SLC1A7: variants seen among roughly 807,000 people sequenced by gnomAD.
SLC1A7 encodes the protein excitatory amino acid transporter 5.
SLC1A7 carries 40 observed loss-of-function variants against 47.7 expected under a neutral mutation model. The observed-to-expected ratio is 0.84, with a 90% CI of 0.65 to 1.09. SLC1A7 has a LOEUF of 1.09. SLC1A7 is among the 50% of genes least tolerant of loss of function. The pLI, the probability that SLC1A7 is intolerant of heterozygous loss-of-function variation, is 0.00. For synonymous variants in SLC1A7, 323 were observed against 325.6 expected (o/e 0.99, Z 0.09); for missense variants, 746 against 769.5 (o/e 0.97, Z 0.36).
chr1:53,115,356 G>A, intron 2 of SLC1A7: 1 of 252,552 alleles, frequency 4.0e-6, no homozygotes, highest in South Asian at 5.6e-5. Context: ...TCACTCTCCT[G>A]ACCCCTGCCC....
At chr1:53,136,015 G>A (rs1278053174) in intron 1 of SLC1A7, among the ~76,000 whole-genome samples, 1 of 151,846 alleles carries the variant, frequency 6.6e-6, no homozygotes, top group Non-Finnish European at 1.5e-5. Flanking sequence ...TGATAGATGA[G>A]GAAGCTGAAC....
At chr1:53,117,303 G>C (rs114165386) in intron 2 of SLC1A7, among the ~76,000 whole-genome samples, 10 of 152,220 alleles carry the variant, frequency 6.6e-5, no homozygotes, top group Non-Finnish European at 1.3e-4. Context: ...GATAGGCTGA[G>C]CTCAGGAGTA....
chr1:53,101,358 G>A (rs775619619), intron 5 of SLC1A7, among the ~76,000 whole-genome samples: 9 of 113,608 alleles, frequency 7.9e-5, no homozygotes, highest in African/African-American at 1.0e-4. Context: ...CGCACACCCC[G>A]CTTTGGTACA....
chr1:53,093,006 C>T (rs1240614025), intron 6 of SLC1A7, among the ~76,000 whole-genome samples: 2 of 152,166 alleles, frequency 1.3e-5, no homozygotes, highest in East Asian at 1.9e-4. Flanking sequence ...CTCCTTCCCC[C>T]GCCCTGCCTT....
Position 53,114,813 on chromosome 1 carries a change from C to T in SLC1A7, c.376G>A (p.Glu126Lys). ...PGSAAQKETT[E>K]QSGKPIMSSA... ...CTCATGATGGGCTTCCCACTCTGCT[C>T]CGTGGTCTCCTTCTGGGCCGCGCTG... is the stretch of plus-strand genomic sequence containing the variant. Residue 126 changes from glutamate to lysine, a missense_variant, in exon 3 of 11, where the codon GAG becomes AAG. Transcript: ENST00000371494. 7.4e-6 allele frequency: 12 copies of T among 1,614,172 alleles called. No homozygotes were observed. The highest frequency in any genetic ancestry group is 1.0e-5 in the Non-Finnish European group (12 of 1,180,030).
At chr1:53,116,831 G>C (rs561151285) in intron 2 of SLC1A7, among the ~76,000 whole-genome samples, 1 of 152,308 alleles carries the variant, frequency 6.6e-6, no homozygotes, top group Admixed American at 6.5e-5. Context: ...CTTCATTCAC[G>C]TGCATTCAAA....
intron 1 of SLC1A7, among the ~76,000 whole-genome samples, chr1:53,136,547 A>AAAACATATAT (rs777467682): frequency 1.2e-5 from 1 of 84,018 alleles, no homozygotes; most frequent in East Asian, 3.3e-4. Flanking sequence ...CATATATATA[A>AAAACATATAT]TATATATAAA....
chr1:53,138,175 A>G (rs1645019750), intron 1 of SLC1A7, among the ~76,000 whole-genome samples: 1 of 152,214 alleles, frequency 6.6e-6, no homozygotes, highest in South Asian at 2.1e-4. Flanking sequence ...GTTCAAAGCC[A>G]TTCTGATTTC....
intron 3 of SLC1A7, among the ~76,000 whole-genome samples, chr1:53,113,510 G>A (rs3766781): frequency 0.29 from 43,318 of 151,730 alleles, 6,299 homozygotes; most frequent in South Asian, 0.36. Flanking sequence ...TTCATGCTGG[G>A]TGATCAGCAC....
intron 5 of SLC1A7, among the ~76,000 whole-genome samples, chr1:53,094,876 G>A (rs550557344): frequency 1.3e-5 from 2 of 152,362 alleles, no homozygotes; most frequent in Non-Finnish European, 2.9e-5. Context: ...CCTCACGGCA[G>A]GGCCAGCAGG....
At position 53,132,273 on chromosome 1, in the gene SLC1A7, C is replaced by A. The variant is rs879474403; in HGVS notation, c.215+2077G>T. Among the ~76,000 whole-genome samples the A allele has an allele frequency of 3.3e-5, 5 of 152,122 alleles. No individual in the cohort carries two copies. The East Asian group carries it at 5.8e-4, about 18-fold the overall frequency. The stretch of plus-strand genomic sequence containing the variant: ...TGGCCACTGGGTGGAATAGATGGGA[C>A]GGGGACAAGAAGTGAGGCGAGGAGA... On this transcript the variant is annotated intron_variant, in intron 2 of 10. Transcript: ENST00000371494.
chr1:53,098,258 G>A (rs536702667), intron 5 of SLC1A7, among the ~76,000 whole-genome samples: 323 of 145,432 alleles, frequency 2.2e-3, no homozygotes, highest in African/African-American at 8.0e-3. Flanking sequence ...ACCCTGCCTC[G>A]GTACACTCAC....
chr1:53,140,537 C>G (rs1645046989), intron 1 of SLC1A7, among the ~76,000 whole-genome samples: 1 of 151,994 alleles, frequency 6.6e-6, no homozygotes, highest in African/African-American at 2.4e-5. Flanking sequence ...ACCCATATAA[C>G]CAGCTCTGAA....
At chr1:53,141,898 G>A (rs116344962) in intron 1 of SLC1A7, among the ~76,000 whole-genome samples, 331 of 152,178 alleles carry the variant, frequency 2.2e-3, no homozygotes, top group African/African-American at 7.2e-3. Context: ...CGCTCCGGCC[G>A]CTGCACCTGG....
rs142539121 is a variant in SLC1A7, at chr1:53,109,017, T to C, written c.432-3243A>G. Among the ~76,000 whole-genome samples the C allele has an allele frequency of 2.6e-3, 395 of 152,278 alleles. 1 individual carries two copies. Among genetic ancestry groups the C allele is most frequent in the African/African-American group, 8.9e-3 (371 of 41,556 alleles). ...TGTCCCATGAGGTCCGTGCTCCTGG[T>C]GGCAGCTACATAAAACACAGAACGT... is the stretch of plus-strand genomic sequence containing the variant. On this transcript the variant is annotated intron_variant, in intron 3 of 10. Transcript: ENST00000371494.
intron 5 of SLC1A7, among the ~76,000 whole-genome samples, chr1:53,097,006 A>C: frequency 7.1e-6 from 1 of 140,648 alleles, no homozygotes; most frequent in African/African-American, 2.7e-5. Flanking sequence ...CACACAACCC[A>C]CCTTGGTACC....
chr1:53,136,609 A>G lies in SLC1A7; in HGVS notation c.136-2180T>C, dbSNP rs572619195. 1.7e-3 allele frequency among the ~76,000 whole-genome samples: 204 copies of G among 121,106 alleles called. 6 individuals are homozygous for G. The highest frequency in any genetic ancestry group is 5.7e-3 in the African/African-American group (191 of 33,244). 79.5% of individuals were successfully genotyped at this position (121,106 alleles called of 152,430 possible). ...AAACATATATAATATATAAACATAT[A>G]TAATATATATAAACATATATAATAT... On this transcript the variant is annotated intron_variant, in intron 1 of 10. Transcript: ENST00000371494.
intron 2 of SLC1A7, among the ~76,000 whole-genome samples, chr1:53,125,635 T>TA (rs1644874317): frequency 6.6e-6 from 1 of 152,144 alleles, no homozygotes; most frequent in African/African-American, 2.4e-5. Context: ...TCTCAGGACA[T>TA]GACTGAGGCT....
intron 1 of SLC1A7, 62 bp downstream of exon 1, chr1:53,142,253 A>G (rs1397716781): frequency 3.3e-6 from 5 of 1,514,338 alleles, no homozygotes; most frequent in Non-Finnish European, 4.4e-6. Flanking sequence ...ACGGGACCCC[A>G]GATCCCTCAG....
Sources: gnomAD v4.1 joint callset for allele counts (sites outside exome capture counted in the v4.1 genomes callset) on GRCh38, gnomAD v4.1.1 for gene constraint, MANE v1.5 for transcripts, NCBI Gene and HGNC (gene_info 2026-07-23, HGNC 2026-07-21) for gene names.